DNMT1: variants seen among roughly 807,000 people sequenced by gnomAD.
DNMT1 encodes DNA (cytosine-5)-methyltransferase 1.
Under a neutral mutation model 205.3 loss-of-function variants are expected in DNMT1, and 24 were observed. The ratio of observed to expected loss-of-function variants is 0.12; its 90% CI spans 0.08 to 0.16. The LOEUF (loss-of-function observed/expected upper bound fraction) is 0.16, where lower values mean the gene tolerates loss of function less well. DNMT1 is among the 10% of genes least tolerant of loss of function. DNMT1 has a pLI of 1.00. For synonymous variants in DNMT1, 817 were observed against 839.8 expected (o/e 0.97, Z 0.47); for missense variants, 1,293 against 2,177.7 (o/e 0.59, Z 8.09).
At chr19:10,150,613 T>C (rs1015841307) in intron 24 of DNMT1, among the ~76,000 whole-genome samples, 7 of 152,124 alleles carry the variant, frequency 4.6e-5, no homozygotes, top group Admixed American at 1.3e-4. Flanking sequence ...AGTGAACTGA[T>C]TGCATCTTTA....
chr19:10,135,981 G>A (rs1215299957), intron 38 of DNMT1, 129 bp from the exon 39 acceptor site: 12 of 1,485,450 alleles, frequency 8.1e-6, no homozygotes, highest in South Asian at 2.5e-5. Flanking sequence ...TCCCGTGGAC[G>A]TGGAGGGGCA....
At position 10,135,724 on chromosome 19, in the gene DNMT1, C is replaced by T. The variant is rs376580508; in HGVS notation, c.4773+12G>A. The T allele has an allele frequency of 1.0e-5, 16 of 1,605,114 alleles. No homozygotes were observed. The highest frequency in any genetic ancestry group is 6.7e-5 in the African/African-American group (5 of 74,846). ...CTTCCTGTCCAGACCCAGCGGGCGC[C>T]GCCCCACTGACCTGCCGGTGCTTGT... On this transcript the variant is annotated intron_variant, in intron 39 of 40. Transcript: ENST00000359526.
rs184125970 is a variant in DNMT1 at position 10,137,979 on chromosome 19, C to G, written c.4146G>C (p.Thr1382=). ...GCAGGTCGGACATCGTGTCTCGCACCGTGATGGTCCGGAAAGGACCCGAGC... is the reference window on the plus strand; with the variant it reads ...GCAGGTCGGACATCGTGTCTCGCACGGTGATGGTCCGGAAAGGACCCGAGC... ...RLSSGPFRTI[T]VRDTMSDLPE... Residue 1382 remains threonine, a synonymous_variant, in exon 36 of 41, where the codon ACG becomes ACC. Coordinates refer to ENST00000359526, the MANE Select transcript of DNMT1 (RefSeq NM_001130823.3). This position sits in a 1 kb window ranked among gnomAD's most constrained non-coding sequence, Gnocchi z 6.4. The G allele has an allele frequency of 2.5e-6, 4 of 1,611,534 alleles. No individual in the cohort carries two copies. The highest frequency in any genetic ancestry group is 1.7e-5 in the Admixed American group (1 of 59,770).
At chr19:10,180,004 A>G (rs895377312) in intron 5 of DNMT1, 183 bp downstream of exon 5, 3 of 214,630 alleles carry the variant, frequency 1.4e-5, no homozygotes, top group South Asian at 1.3e-4. Context: ...AAAAAAAAAA[A>G]AAGAAAGAAA....
chr19:10,173,992 C>T, intron 7 of DNMT1, 87 bp from the exon 8 acceptor site: 2 of 1,309,572 alleles, frequency 1.5e-6, no homozygotes, highest in African/African-American at 1.5e-5. Flanking sequence ...GAAATATTAA[C>T]ACATTTGACA....
At chr19:10,172,196 A>G (rs2038833922) in intron 9 of DNMT1, among the ~76,000 whole-genome samples, 1 of 151,458 alleles carries the variant, frequency 6.6e-6, no homozygotes, top group African/African-American at 2.4e-5. Context: ...CAGGTGGATC[A>G]CCTGAGATTG....
chr19:10,182,017 G>A, intron 2 of DNMT1, 24 bp downstream of exon 2: 3 of 1,608,486 alleles, frequency 1.9e-6, no homozygotes, highest in Non-Finnish European at 2.6e-6. Flanking sequence ...TTGGTAATAA[G>A]AAAAATTTTA....
At chr19:10,155,804 G>A (rs1175628283) in intron 19 of DNMT1, 49 bp downstream of exon 19, 1 of 1,574,224 alleles carries the variant, frequency 6.4e-7, no homozygotes, top group African/African-American at 1.3e-5. Context: ...AGGAGAACAT[G>A]AAGGCCCCTT....
Position 10,194,822 on chromosome 19 carries a change from C to G in DNMT1, c.78G>C (p.Arg26Ser), listed in dbSNP as rs780503694. Reference protein sequence around the residue: ...PAISLPDDVRRRLKDLERDSL... With the variant: ...PAISLPDDVRSRLKDLERDSL... ...GTGTTCCCCCCCATGGTACCTACCGCCTGCGGACATCGTCGGGCAGCGAGA... is the reference window on the plus strand; with the variant it reads ...GTGTTCCCCCCCATGGTACCTACCGGCTGCGGACATCGTCGGGCAGCGAGA... Residue 26 changes from arginine to serine, a missense_variant and splice_region_variant, in exon 1 of 41, where the codon AGG (arginine) becomes AGC (serine). By Grantham distance (110) the Arg-to-Ser change is moderately radical. Around this residue, in one of 13 missense-constraint regions of DNMT1, gnomAD observed 394 missense variants for 451.6 expected, o/e 0.87. Transcript: ENST00000359526. The G allele has an allele frequency of 8.1e-6, 13 of 1,611,978 alleles. No homozygotes were observed. Among genetic ancestry groups the G allele is most frequent in the Non-Finnish European group, 1.1e-5 (13 of 1,179,270 alleles).
intron 22 of DNMT1, among the ~76,000 whole-genome samples, chr19:10,152,237 ATGATGCATTAAGACTTTTAGGTCTC>A: frequency 6.7e-6 from 1 of 149,850 alleles, no homozygotes; most frequent in African/African-American, 2.5e-5. Flanking sequence ...AATGAGACAA[ATGATGCATTAAGACTTTTAGGTCTC>A]AAAAAATTAA....
intron 3 of DNMT1, 56 bp from the exon 4 acceptor site, chr19:10,180,625 C>A (rs2039028659): frequency 6.4e-7 from 1 of 1,561,560 alleles, no homozygotes; most frequent in Non-Finnish European, 8.8e-7. Context: ...TGTCAGAGAA[C>A]AAGGAAACAC....
At chr19:10,164,374 T>G (rs1202605929) in intron 11 of DNMT1, among the ~76,000 whole-genome samples, 1 of 152,182 alleles carries the variant, frequency 6.6e-6, no homozygotes, top group Non-Finnish European at 1.5e-5. Context: ...AACTCCTGAC[T>G]TCAGGTGATC....
chr19:10,141,866 C>T, intron 30 of DNMT1, 162 bp downstream of exon 30: 1 of 761,328 alleles, frequency 1.3e-6, no homozygotes, highest in Non-Finnish European at 2.1e-6. Context: ...CCTGCTCAGA[C>T]CCCCGTAAAG....
Position 10,138,029 on chromosome 19 carries a change from C to A in DNMT1, c.4116-20G>T. On this transcript the variant is annotated intron_variant, in intron 35 of 40. Transcript: ENST00000359526. This position sits in a 1 kb window ranked among gnomAD's most constrained non-coding sequence, Gnocchi z 4.1. ...CTCAACCTGCAACAGAGGAGGAGGT[C>A]AACACCTCTGGAGATGCACGCAGCA... 6.2e-7 allele frequency: 1 copy of A among 1,605,528 alleles called. No homozygotes were observed. The highest frequency in any genetic ancestry group is 1.1e-5 in the South Asian group (1 of 89,900).
chr19:10,174,305 G>C (rs913637319), intron 7 of DNMT1, among the ~76,000 whole-genome samples: 6 of 151,864 alleles, frequency 4.0e-5, no homozygotes, highest in Non-Finnish European at 7.4e-5. Flanking sequence ...AGTCCCAGCT[G>C]CTTGGGAGGG....
rs1351509347 is a variant in DNMT1, at chr19:10,155,959, AG to A, written c.1400-15del. 6.2e-7 allele frequency: 1 copy of A among 1,610,528 alleles called. No individual in the cohort carries two copies. Among genetic ancestry groups the A allele is most frequent in the Non-Finnish European group, 8.5e-7 (1 of 1,178,288 alleles). ...CATTAACACCACCTAGAGCAGAAAAAGGAAATGGACTAAAGGCTCTGACTCA... is the reference window on the plus strand; with the variant it reads ...CATTAACACCACCTAGAGCAGAAAAAGAAATGGACTAAAGGCTCTGACTCA... On this transcript the variant is annotated splice_polypyrimidine_tract_variant and intron_variant, in intron 18 of 40. Transcript: ENST00000359526.
At chr19:10,191,284 TA>T (rs777087948) in intron 1 of DNMT1, among the ~76,000 whole-genome samples, 1,539 of 128,536 alleles carry the variant, frequency 0.012, 16 homozygotes, top group African/African-American at 0.028. Flanking sequence ...CTGCCTCAAT[TA>T]AAAAAAAAAA....
Position 10,151,612 on chromosome 19 carries a change from A to G in DNMT1, c.2118-67T>C. On this transcript the variant is annotated intron_variant, in intron 23 of 40. Transcript: ENST00000359526. The surrounding 1 kb of genome is among the most constrained non-coding windows in gnomAD (Gnocchi z 5.0). ...AAGACCAACCGGGGCTGTTTTCTTC[A>G]TAACAGGGACAGGTCCTGAGACAAT... 1.2e-6 allele frequency: 2 copies of G among 1,611,378 alleles called. No individual in the cohort carries two copies. Among genetic ancestry groups the G allele is most frequent in the Non-Finnish European group, 1.7e-6 (2 of 1,179,618 alleles).
intron 39 of DNMT1, 95 bp downstream of exon 39, chr19:10,135,641 C>A (rs2089462926): frequency 5.2e-6 from 7 of 1,343,830 alleles, no homozygotes; most frequent in Non-Finnish European, 5.2e-6. Flanking sequence ...CAGCAGGCGT[C>A]CTCCCGGAAG....
Sources: allele counts gnomAD v4.1 joint callset (sites outside exome capture counted in the v4.1 genomes callset), GRCh38; gene constraint gnomAD v4.1.1; regional missense constraint gnomAD v4.1.1; non-coding constraint Gnocchi (gnomAD v3.1); transcripts MANE v1.5; gene names NCBI Gene and HGNC (gene_info 2026-07-23, HGNC 2026-07-21).